Variants in FHIT observed in about 807,000 individuals in gnomAD.
FHIT encodes the protein bis(5'-adenosyl)-triphosphatase.
Under a neutral mutation model 17.9 loss-of-function variants are expected in FHIT, and 19 were observed. The ratio of observed to expected loss-of-function variants is 1.06; its 90% CI spans 0.74 to 1.56. The LOEUF (loss-of-function observed/expected upper bound fraction) is 1.56. Ranked by LOEUF, FHIT falls within the 40% of genes most tolerant of loss-of-function variation. FHIT has a pLI of 0.00. For synonymous variants in FHIT, 81 were observed against 69.7 expected (o/e 1.16, Z -0.81); for missense variants, 248 against 189.2 (o/e 1.31, Z -1.82).
chr3:60,288,566 AGTGTGTGTGT>A lies in FHIT; in HGVS notation c.103+248284_103+248293del, dbSNP rs139336094. 4.7e-3 allele frequency among the ~76,000 whole-genome samples: 681 copies of A among 144,646 alleles called. 3 individuals carry two copies. The highest frequency in any genetic ancestry group is 0.016 in the African/African-American group (612 of 39,068). The allele number at this position is 144,646 out of a possible 152,430, so 94.9% of individuals were successfully genotyped here. A position where few individuals can be genotyped will look rare whatever the true frequency, so the allele number is the denominator to read the frequency against. On this transcript the variant is annotated intron_variant, in intron 5 of 9. Coordinates refer to ENST00000492590, the MANE Select transcript of FHIT (RefSeq NM_002012.4). ...CATTCTGTTTTCTAGGTTCTGGCAC[AGTGTGTGTGT>A]GTGTGTGTGTGTGTGTGTGTGTGTG...
chr3:60,649,550 T>C (rs2107804558), intron 4 of FHIT, among the ~76,000 whole-genome samples: 1 of 152,294 alleles, frequency 6.6e-6, no homozygotes, highest in Non-Finnish European at 1.5e-5. Context: ...ACTGAAATTA[T>C]AAATGACGAT....
intron 5 of FHIT, among the ~76,000 whole-genome samples, chr3:60,264,562 A>G (rs1706473575): frequency 6.6e-6 from 1 of 152,018 alleles, no homozygotes; most frequent in South Asian, 2.1e-4. Context: ...TAACACTAAC[A>G]ATAATACATT....
intron 5 of FHIT, among the ~76,000 whole-genome samples, chr3:60,409,001 T>A (rs1215327839): frequency 6.6e-6 from 1 of 152,098 alleles, no homozygotes; most frequent in African/African-American, 2.4e-5. Context: ...ACTCGGGGGC[T>A]CAAACGCCAA....
intron 1 of FHIT, among the ~76,000 whole-genome samples, chr3:61,235,940 AAAT>A (rs1178798464): frequency 1.3e-5 from 2 of 151,890 alleles, no homozygotes; most frequent in Non-Finnish European, 2.9e-5. Flanking sequence ...ATCATAGCTA[AAAT>A]AATCACTAAC....
intron 3 of FHIT, among the ~76,000 whole-genome samples, chr3:61,036,547 A>G (rs2033250315): frequency 6.6e-6 from 1 of 152,220 alleles, no homozygotes; most frequent in Non-Finnish European, 1.5e-5. Flanking sequence ...CTAGGCTGGT[A>G]TTATAATGAC....
chr3:59,830,102 C>T (rs79125043), intron 8 of FHIT, among the ~76,000 whole-genome samples: 3 of 151,940 alleles, frequency 2.0e-5, no homozygotes, highest in Non-Finnish European at 2.9e-5. Context: ...CAACCCCCCC[C>T]TCAAAAGTTT....
intron 7 of FHIT, among the ~76,000 whole-genome samples, chr3:59,974,371 A>T (rs1485562548): frequency 6.6e-6 from 1 of 152,178 alleles, no homozygotes; most frequent in Non-Finnish European, 1.5e-5. Context: ...CTGCTTCTAA[A>T]TGTGTTGGTT....
chr3:60,753,680 T>A (rs2042514102), intron 4 of FHIT, among the ~76,000 whole-genome samples: 1 of 152,010 alleles, frequency 6.6e-6, no homozygotes, highest in South Asian at 2.1e-4. Flanking sequence ...CAAAATAAAC[T>A]CTGAAGTACC....
intron 5 of FHIT, among the ~76,000 whole-genome samples, chr3:60,275,911 A>G (rs1707106385): frequency 6.6e-6 from 1 of 152,192 alleles, no homozygotes; most frequent in African/African-American, 2.4e-5. Context: ...CAAATTAAAG[A>G]ACATCCAGCA....
intron 4 of FHIT, among the ~76,000 whole-genome samples, chr3:60,616,175 C>G (rs1368116680): frequency 6.6e-6 from 1 of 152,102 alleles, no homozygotes; most frequent in Non-Finnish European, 1.5e-5. Context: ...TAGGTAGTGT[C>G]ACCTGTTTGG....
rs1278736455 is a variant in FHIT at position 59,747,443 on chromosome 3, C to G, written c.*2142G>C. The stretch of plus-strand genomic sequence containing the variant: ...GAGAACAGCATGGGAAAGACCCTCC[C>G]CCTTGATTCAGTTACCTCCCACTGG... On this transcript the variant is annotated 3_prime_UTR_variant, in exon 10 of 10. Transcript: ENST00000492590. Among the ~76,000 whole-genome samples the G allele has an allele frequency of 3.3e-5, 5 of 152,220 alleles. No homozygotes were observed. In the East Asian group the frequency reaches 9.7e-4, roughly 29 times the overall value.
chr3:60,450,310 G>T (rs1010560956), intron 5 of FHIT, among the ~76,000 whole-genome samples: 20 of 151,934 alleles, frequency 1.3e-4, no homozygotes, highest in African/African-American at 4.8e-4. Context: ...ATCTTATGGG[G>T]CCACTGTCAT....
chr3:60,562,478 C>T (rs2036987249), intron 4 of FHIT, among the ~76,000 whole-genome samples: 1 of 152,112 alleles, frequency 6.6e-6, no homozygotes, highest in African/African-American at 2.4e-5. Flanking sequence ...GCCAGCAATC[C>T]AGGAAGGGTG....
chr3:60,579,458 C>G (rs2037683551), intron 4 of FHIT, among the ~76,000 whole-genome samples: 1 of 152,060 alleles, frequency 6.6e-6, no homozygotes, highest in South Asian at 2.1e-4. Context: ...GTGAACATTT[C>G]TTGATCATAA....
At chr3:60,022,426 C>T (rs1055786601) in intron 5 of FHIT, among the ~76,000 whole-genome samples, 7 of 152,142 alleles carry the variant, frequency 4.6e-5, no homozygotes, top group African/African-American at 2.4e-5. Flanking sequence ...GAGTTGTGAG[C>T]GAAAATGATA....
At chr3:60,907,481 G>T (rs750829477) in intron 3 of FHIT, among the ~76,000 whole-genome samples, 4 of 151,970 alleles carry the variant, frequency 2.6e-5, no homozygotes, top group African/African-American at 9.7e-5. Context: ...ATGGAAATAA[G>T]GAAAAAGAGA....
At chr3:61,187,249 T>C (rs927398191) in intron 2 of FHIT, among the ~76,000 whole-genome samples, 2 of 152,112 alleles carry the variant, frequency 1.3e-5, no homozygotes, top group Non-Finnish European at 2.9e-5. Context: ...AAAAGGAGAT[T>C]AGGTACATAT....
At chr3:60,343,052 C>G (rs1329082002) in intron 5 of FHIT, among the ~76,000 whole-genome samples, 1 of 152,062 alleles carries the variant, frequency 6.6e-6, no homozygotes, top group Admixed American at 6.6e-5. Flanking sequence ...GATAGTTACA[C>G]CCCAGGGATC....
chr3:59,904,611 T>G (rs1024749786), intron 8 of FHIT, among the ~76,000 whole-genome samples: 1 of 152,200 alleles, frequency 6.6e-6, no homozygotes, highest in Non-Finnish European at 1.5e-5. Context: ...GCCATGCTGG[T>G]GTGCTCCAGC....
Sources: allele counts gnomAD v4.1 joint callset (sites outside exome capture counted in the v4.1 genomes callset), GRCh38; gene constraint gnomAD v4.1.1; transcripts MANE v1.5; gene names NCBI Gene and HGNC (gene_info 2026-07-23, HGNC 2026-07-21).